Variants in EGLN2 observed in about 807,000 individuals in gnomAD.
The protein encoded by EGLN2 is egl-9 family hypoxia inducible factor 2.
Under a neutral mutation model 38.2 loss-of-function variants are expected in EGLN2, and 15 were observed. The ratio of observed to expected loss-of-function variants is 0.39; its 90% CI spans 0.26 to 0.60. The LOEUF (loss-of-function observed/expected upper bound fraction) is 0.60, where lower values mean the gene tolerates loss of function less well. Among genes scored for constraint, EGLN2 ranks in the 20% least tolerant of loss-of-function variants. The pLI is 0.50. For synonymous variants in EGLN2, 284 were observed against 237.4 expected (o/e 1.20, Z -1.81); for missense variants, 492 against 570.4 (o/e 0.86, Z 1.40).
rs761239810 is a variant in EGLN2 at position 40,808,188 on chromosome 19, AC to A, written c.*326del. On this transcript the variant is annotated 3_prime_UTR_variant, in exon 6 of 6. Transcript: ENST00000303961. ...CTGGGAGGAGGCATTGTCACTTCCC[AC>A]CAGGATGCAGGACTTGGGGTTGAGG... 171 of 469,670 alleles carry A rather than the reference AC, an allele frequency of 3.6e-4. 1 individual carries two copies. The highest frequency in any genetic ancestry group is 6.2e-4 in the Non-Finnish European group (164 of 265,480). The allele number at this position is 469,670 out of a possible 1,614,324, so 29.1% of individuals were successfully genotyped here.
chr19:40,807,615 C>T lies in EGLN2; in HGVS notation c.1168+64C>T, dbSNP rs557408858. ...GGCCCTCTTGGGCCTGATGCCACCC[C>T]ATCCCCCTCATCAGCCTCTTGTTAA... is the stretch of plus-strand genomic sequence containing the variant. On this transcript the variant is annotated intron_variant, in intron 5 of 5. Coordinates refer to ENST00000303961, the MANE Select transcript of EGLN2 (RefSeq NM_080732.4). 7.8e-6 allele frequency: 12 copies of T among 1,548,304 alleles called. No homozygotes were observed. In the African/African-American group the frequency reaches 1.2e-4, roughly 16 times the overall value.
intron 2 of EGLN2, among the ~76,000 whole-genome samples, chr19:40,802,963 G>C (rs566647982): frequency 3.9e-4 from 60 of 152,232 alleles, no homozygotes; most frequent in Non-Finnish European, 4.0e-4. Flanking sequence ...GGGCTCCCCC[G>C]GGGCCAAGGC....
chr19:40,804,798 A>G (rs1173374535), intron 2 of EGLN2: 1 of 152,126 alleles, frequency 6.6e-6, no homozygotes, highest in African/African-American at 2.4e-5. Flanking sequence ...CCCCTCCTGA[A>G]CCTTGAAGTG....
chr19:40,802,113 T>C (rs377060320), intron 2 of EGLN2, among the ~76,000 whole-genome samples: 3 of 152,156 alleles, frequency 2.0e-5, no homozygotes, highest in East Asian at 3.8e-4. Flanking sequence ...CGTCCATCCC[T>C]GTTTGCTGGC....
At chr19:40,806,751 C>T in intron 3 of EGLN2, 77 bp downstream of exon 3, 2 of 1,562,242 alleles carry the variant, frequency 1.3e-6, no homozygotes, top group Non-Finnish European at 1.8e-6. Context: ...ACTCCATTTT[C>T]CACTCTCAGC....
In EGLN2 at chr19:40,807,965, C is replaced by A; in HGVS notation, c.*101C>A. 1 of 1,220,516 alleles carries A rather than the reference C, an allele frequency of 8.2e-7. No individual in the cohort carries two copies. Among genetic ancestry groups the A allele is most frequent in the Non-Finnish European group, 1.2e-6 (1 of 847,710 alleles). The allele number at this position is 1,220,516 out of a possible 1,614,324, so 75.6% of individuals were successfully genotyped here. A position where few individuals can be genotyped will look rare whatever the true frequency, so the allele number is the denominator to read the frequency against. On this transcript the variant is annotated 3_prime_UTR_variant, in exon 6 of 6. Coordinates refer to ENST00000303961, the MANE Select transcript of EGLN2 (RefSeq NM_080732.4). ...TCCCTGCCACCGCTGCTGCTTCTGA[C>A]TTTGCCTCTGTCCTGCCTGGTGTGG...
rs181979327 is a variant in EGLN2 at position 40,807,292 on chromosome 19, G to A, written c.1100+18G>A. On this transcript the variant is annotated intron_variant, in intron 4 of 5. Transcript: ENST00000303961. Reference sequence around the variant, plus strand: ...GCCACCAGGTATGACCTGTACTTCTGGAGACGCACCCAGGTGCTCCCCCTG... The same window carrying A: ...GCCACCAGGTATGACCTGTACTTCTAGAGACGCACCCAGGTGCTCCCCCTG... 1.1e-5 allele frequency: 17 copies of A among 1,613,982 alleles called. No homozygotes were observed. In the East Asian group the frequency reaches 3.3e-4, roughly 32 times the overall value.
chr19:40,806,888 G>A (rs1436283544), intron 3 of EGLN2: 6 of 919,970 alleles, frequency 6.5e-6, no homozygotes, highest in East Asian at 2.7e-5. Flanking sequence ...CCCTCTTTCC[G>A]GGAATGGTGC....
In EGLN2 at chr19:40,801,385, G is replaced by A. The variant is rs2083257022; in HGVS notation, c.813G>A (p.Leu271=). The A allele has an allele frequency of 6.2e-7, 1 of 1,608,204 alleles. No homozygotes were observed. Among genetic ancestry groups the A allele is most frequent in the African/African-American group, 1.3e-5 (1 of 74,942 alleles). Residue 271 remains leucine, a synonymous_variant, in exon 2 of 6, where the codon CTG becomes CTA. Transcript: ENST00000303961. ...TCATCCGCCACTGCGCAGGGCGGCTGGGCAGCTATGTCATCAACGGGCGCA... is the reference window on the plus strand; with the variant it reads ...TCATCCGCCACTGCGCAGGGCGGCTAGGCAGCTATGTCATCAACGGGCGCA... ...DAVIRHCAGR[L]GSYVINGRTK...
At chr19:40,801,692 T>G (rs1426442804) in intron 2 of EGLN2, among the ~76,000 whole-genome samples, 1 of 143,128 alleles carries the variant, frequency 7.0e-6, no homozygotes, top group Non-Finnish European at 1.5e-5. Flanking sequence ...TTTTTATTGA[T>G]CATTCTTGGG....
intron 2 of EGLN2, among the ~76,000 whole-genome samples, chr19:40,802,457 T>C (rs1166416798): frequency 1.3e-5 from 2 of 152,232 alleles, no homozygotes; most frequent in African/African-American, 4.8e-5. Flanking sequence ...TCTGCCTTTA[T>C]GTGTTTGTTC....
Position 40,800,581 on chromosome 19 carries a change from C to G in EGLN2, c.9C>G (p.Ser3Arg). The G allele has an allele frequency of 6.3e-7, 1 of 1,599,356 alleles. No homozygotes were observed. Among genetic ancestry groups the G allele is most frequent in the Non-Finnish European group, 8.5e-7 (1 of 1,172,514 alleles). ...ATGAAGACACTGCTGCCATGGACAG[C>G]CCGTGCCAGCCGCAGCCCCTAAGTC... Reference protein sequence around the residue: MDSPCQPQPLSQA... With the variant: MDRPCQPQPLSQA... Residue 3 changes from serine to arginine, a missense_variant, in exon 2 of 6, where the codon AGC becomes AGG. Ser to Arg is a moderately radical substitution (Grantham distance 110). Transcript: ENST00000303961.
rs564152366 is a variant in EGLN2 at position 40,806,931 on chromosome 19, A to T, written c.964-207A>T. The T allele has an allele frequency of 4.7e-5, 45 of 965,912 alleles. No individual in the cohort carries two copies. In the South Asian group the frequency reaches 7.0e-4, roughly 15 times the overall value. 59.8% of individuals were successfully genotyped at this position (965,912 alleles called of 1,614,324 possible). A position where few individuals can be genotyped will look rare whatever the true frequency, so the allele number is the denominator to read the frequency against. ...CCAGCCCCACCCGGCCTTGTAATGA[A>T]CACTTTCCCCCTTTTCCTGTCTTTA... On this transcript the variant is annotated intron_variant, in intron 3 of 5. Transcript: ENST00000303961.
chr19:40,801,651 C>CTTTTTTTTTT (rs58809253), intron 2 of EGLN2, among the ~76,000 whole-genome samples: 4 of 102,716 alleles, frequency 3.9e-5, no homozygotes, highest in Non-Finnish European at 3.8e-5. Context: ...CACAGTGGTT[C>CTTTTTTTTTT]TTTTTTTTTT....
Position 40,801,003 on chromosome 19 carries a change from C to A in EGLN2, c.431C>A (p.Ala144Glu), listed in dbSNP as rs777041827. 1.1e-5 allele frequency: 17 copies of A among 1,612,860 alleles called. No homozygotes were observed. Among genetic ancestry groups the A allele is most frequent in the Non-Finnish European group, 1.2e-5 (14 of 1,179,750 alleles). The stretch of plus-strand genomic sequence containing the variant: ...TGGGCCAGGCAAGAGAACCAGGAGG[C>A]AGAGCGGGAGGGTGGCATGAGCTGC... The part of the protein sequence containing the change: ...RPWARQENQE[A>E]EREGGMSCSC... The change falls in exon 2 of 6, where the codon GCA becomes GAA. Residue 144 changes from alanine to glutamate, a missense_variant. Transcript: ENST00000303961.
Position 40,800,713 on chromosome 19 carries a change from C to T in EGLN2, c.141C>T (p.Ser47=). 1 of 1,614,058 alleles carries T rather than the reference C, an allele frequency of 6.2e-7. No homozygotes were observed. Among genetic ancestry groups the T allele is most frequent in the Non-Finnish European group, 8.5e-7 (1 of 1,180,000 alleles). ...ACCTGCCCTGTCCCCTGCTCCCCTC[C>T]TACCACTGTCCAGGAGTGCCTAGTG... The part of the protein sequence containing the change: ...ESYLPCPLLP[S]YHCPGVPSEA... The change falls in exon 2 of 6, where the codon TCC becomes TCT. Residue 47 remains serine, a synonymous_variant. Coordinates refer to ENST00000303961, the MANE Select transcript of EGLN2 (RefSeq NM_080732.4).
intron 3 of EGLN2, 84 bp downstream of exon 3, chr19:40,806,758 C>T (rs2083304646): frequency 1.9e-6 from 3 of 1,549,760 alleles, no homozygotes; most frequent in South Asian, 1.1e-5. Context: ...TTTCCACTCT[C>T]AGCCCAGATT....
chr19:40,807,867 G>C lies in EGLN2; in HGVS notation c.*3G>C, dbSNP rs747824587. 14 of 1,614,054 alleles carry C rather than the reference G, an allele frequency of 8.7e-6. No individual in the cohort carries two copies. Among genetic ancestry groups the C allele is most frequent in the Non-Finnish European group, 1.1e-5 (13 of 1,179,946 alleles). The stretch of plus-strand genomic sequence containing the variant: ...CACAGCCGCCTACGCCCACCTAGTG[G>C]CCAGTCCCAGAGCCGCATGGCAGAC... On this transcript the variant is annotated 3_prime_UTR_variant, in exon 6 of 6. Transcript: ENST00000303961.
rs375372070 is a variant in EGLN2, at chr19:40,807,747, GT to G, written c.1169-59del. 3 of 1,582,374 alleles carry G rather than the reference GT, an allele frequency of 1.9e-6. No individual in the cohort carries two copies. The African/African-American group carries it at 4.0e-5, about 21-fold the overall frequency. On this transcript the variant is annotated intron_variant, in intron 5 of 5. Coordinates refer to ENST00000303961, the MANE Select transcript of EGLN2 (RefSeq NM_080732.4). ...CCTGGTCCTCTCCCCATCTCCCCAG[GT>G]TTCCCTTGGCTTCTTTGTCCTTCTG...
Sources: gnomAD v4.1 joint callset for allele counts (sites outside exome capture counted in the v4.1 genomes callset) on GRCh38, gnomAD v4.1.1 for gene constraint, MANE v1.5 for transcripts, NCBI Gene and HGNC (gene_info 2026-07-23, HGNC 2026-07-21) for gene names.